Variants in CCR5AS observed in about 807,000 individuals in gnomAD.
CCR5AS encodes the protein CCR5 antisense RNA.
intron 2 of CCR5AS, among the ~76,000 whole-genome samples, chr3:46,383,578 G>T (rs1207680877): frequency 1.3e-5 from 2 of 152,108 alleles, no homozygotes; most frequent in Non-Finnish European, 2.9e-5. Context: ...CTATGCAAAG[G>T]AGAGCAACCA....
intron 2 of CCR5AS, chr3:46,372,772 A>G: frequency 1.5e-6 from 1 of 671,724 alleles, no homozygotes; most frequent in South Asian, 2.5e-5. Flanking sequence ...GAGTTAATTC[A>G]ATGTAGACAT....
chr3:46,373,210 T>C (rs764747692), intron 2 of CCR5AS: 56 of 1,614,080 alleles, frequency 3.5e-5, no homozygotes, highest in Non-Finnish European at 4.2e-5. Flanking sequence ...ATGTGTCAAC[T>C]CTTGACAGGG....
intron 2 of CCR5AS, among the ~76,000 whole-genome samples, chr3:46,376,553 G>C (rs1192111980): frequency 6.6e-6 from 1 of 152,186 alleles, no homozygotes; most frequent in Non-Finnish European, 1.5e-5. Context: ...GGTGCCATAA[G>C]TTAGTTGTCT....
At chr3:46,404,868 G>A (rs1702032193) in intron 1 of CCR5AS, among the ~76,000 whole-genome samples, 2 of 143,496 alleles carry the variant, frequency 1.4e-5, no homozygotes, top group Admixed American at 1.4e-4. Flanking sequence ...AATACTTGCT[G>A]AATAATTGAA....
At chr3:46,389,666 T>C (rs1009911544) in intron 2 of CCR5AS, among the ~76,000 whole-genome samples, 14 of 152,042 alleles carry the variant, frequency 9.2e-5, no homozygotes, top group African/African-American at 1.7e-4. Flanking sequence ...CAGGTCCTTT[T>C]TGAGAGAGTG....
chr3:46,396,186 A>G (rs1701960523), intron 1 of CCR5AS, among the ~76,000 whole-genome samples: 2 of 152,218 alleles, frequency 1.3e-5, no homozygotes, highest in Non-Finnish European at 2.9e-5. Flanking sequence ...ACCTCTATTC[A>G]TAAAAGAAAC....
intron 1 of CCR5AS, among the ~76,000 whole-genome samples, chr3:46,394,099 G>A (rs1036801559): frequency 6.6e-6 from 1 of 152,144 alleles, no homozygotes; most frequent in African/African-American, 2.4e-5. Context: ...GAGGATGACA[G>A]TTCCACCAGG....
chr3:46,372,633 A>C (rs1395212734), intron 2 of CCR5AS: 1 of 320,670 alleles, frequency 3.1e-6, no homozygotes, highest in Admixed American at 4.5e-5. Flanking sequence ...TATAGAGCAC[A>C]AGATTTTATT....
chr3:46,381,425 T>G (rs1455674982), intron 2 of CCR5AS, among the ~76,000 whole-genome samples: 1 of 152,152 alleles, frequency 6.6e-6, no homozygotes, highest in Non-Finnish European at 1.5e-5. Flanking sequence ...AATTGTCAAC[T>G]CTTATACATC....
intron 3 of CCR5AS, among the ~76,000 whole-genome samples, chr3:46,367,121 C>G (rs917743417): frequency 2.6e-5 from 4 of 152,092 alleles, no homozygotes; most frequent in African/African-American, 9.7e-5. Context: ...TAAAGACAGG[C>G]TTATTTAATC....
At chr3:46,391,750 G>T (rs1701915850) in intron 2 of CCR5AS, among the ~76,000 whole-genome samples, 1 of 152,158 alleles carries the variant, frequency 6.6e-6, no homozygotes, top group African/African-American at 2.4e-5. Context: ...AGGAGAGAAG[G>T]TGACCAAAGG....
intron 2 of CCR5AS, among the ~76,000 whole-genome samples, chr3:46,380,802 G>C (rs145531341): frequency 6.6e-6 from 1 of 152,318 alleles, no homozygotes; most frequent in Admixed American, 6.5e-5. Flanking sequence ...GTTCTGATTC[G>C]ATCTGCCTGC....
chr3:46,382,868 G>A (rs996389613), intron 2 of CCR5AS, among the ~76,000 whole-genome samples: 36 of 152,184 alleles, frequency 2.4e-4, no homozygotes, highest in African/African-American at 8.7e-4. Context: ...GTTGCTTACT[G>A]TTTCCAAGCC....
intron 3 of CCR5AS, among the ~76,000 whole-genome samples, chr3:46,368,046 T>C (rs1701616988): frequency 6.6e-6 from 1 of 152,180 alleles, no homozygotes; most frequent in Non-Finnish European, 1.5e-5. Flanking sequence ...CCAAAGTGAA[T>C]AATTAACATT....
At chr3:46,384,343 G>A (rs778867553) in intron 2 of CCR5AS, among the ~76,000 whole-genome samples, 1 of 152,214 alleles carries the variant, frequency 6.6e-6, no homozygotes, top group African/African-American at 2.4e-5. Context: ...ACACGTGGTT[G>A]ACAAAGAAAA....
chr3:46,364,634 C>CTATATATA lies in CCR5AS; in HGVS notation n.969_976dup, dbSNP rs3054358. 1.7e-4 allele frequency among the ~76,000 whole-genome samples: 25 copies of CTATATATA among 149,512 alleles called. 1 individual carries two copies. The South Asian group carries it at 2.3e-3, about 14-fold the overall frequency. Reference sequence around the variant, plus strand: ...ATTTCATAAGGCTATTAAGAAATAGCTATATATATATATATAGCCTTATAT... The same window carrying CTATATATA: ...ATTTCATAAGGCTATTAAGAAATAGCTATATATATATATATATATATATAGCCTTATAT... On this transcript the variant is annotated non_coding_transcript_exon_variant, in exon 4 of 4. Coordinates refer to ENST00000451485, the Ensembl canonical transcript of CCR5AS.
At chr3:46,373,162 C>A (rs765467514) in intron 2 of CCR5AS, 5 of 1,613,998 alleles carry the variant, frequency 3.1e-6, no homozygotes, top group Non-Finnish European at 4.2e-6. Context: ...CCCTTCTGGG[C>A]TCACTATGCT....
intron 2 of CCR5AS, among the ~76,000 whole-genome samples, chr3:46,389,452 A>G (rs141455237): frequency 0.039 from 5,960 of 152,246 alleles, 372 homozygotes; most frequent in African/African-American, 0.13. Flanking sequence ...GTATCTTCAC[A>G]TGGCTGGGAG....
intron 3 of CCR5AS, among the ~76,000 whole-genome samples, chr3:46,367,068 C>T (rs1701606634): frequency 6.6e-6 from 1 of 152,032 alleles, no homozygotes; most frequent in East Asian, 1.9e-4. Context: ...TGAATGAAGC[C>T]AGACAGGAAA....
Sources: gnomAD v4.1 joint callset for allele counts (sites outside exome capture counted in the v4.1 genomes callset) on GRCh38, gnomAD v4.1.1 for gene constraint, MANE v1.5 for transcripts, NCBI Gene and HGNC (gene_info 2026-07-23, HGNC 2026-07-21) for gene names.